Variants in KIF1C observed in about 807,000 individuals in gnomAD.
KIF1C encodes kinesin family member 1C.
A neutral mutation model predicts 126.5 loss-of-function variants in KIF1C; 61 were observed. The ratio of observed to expected loss-of-function variants is 0.48; its 90% CI spans 0.39 to 0.60. The LOEUF is 0.60. KIF1C is among the 20% of genes least tolerant of loss of function. The pLI, the probability that KIF1C is intolerant of heterozygous loss-of-function variation, is 0.00. For missense variants in KIF1C, 1,315 were observed against 1,489.2 expected (o/e 0.88, Z 1.93); for synonymous variants, 640 against 580.6 (o/e 1.10, Z -1.47).
chr17:5,009,340 C>A (rs144273187), intron 16 of KIF1C, among the ~76,000 whole-genome samples: 1 of 151,850 alleles, frequency 6.6e-6, no homozygotes, highest in Non-Finnish European at 1.5e-5. Flanking sequence ...CCATCACACC[C>A]GGCTAATATT....
chr17:5,007,261 A>C lies in KIF1C; in HGVS notation c.1336-2A>C. ...TGAAACCTACCCACCTTACGCCCCCAGGAGACAGAGAAGATTATAGCTGAG... is the reference window on the plus strand; with the variant it reads ...TGAAACCTACCCACCTTACGCCCCCCGGAGACAGAGAAGATTATAGCTGAG... On this transcript the variant is annotated splice_acceptor_variant, in intron 14 of 22. Coordinates refer to ENST00000320785, the MANE Select transcript of KIF1C (RefSeq NM_006612.6). LOFTEE classifies it high-confidence loss of function. 6.2e-7 allele frequency: 1 copy of C among 1,606,406 alleles called. No homozygotes were observed. The highest frequency in any genetic ancestry group is 8.5e-7 in the Non-Finnish European group (1 of 1,176,328).
In KIF1C at chr17:5,020,348, G is replaced by A; in HGVS notation, c.1751-144G>A. 1.1e-6 allele frequency: 1 copy of A among 882,202 alleles called. No individual in the cohort carries two copies. Among genetic ancestry groups the A allele is most frequent in the Non-Finnish European group, 1.7e-6 (1 of 583,212 alleles). The allele number at this position is 882,202 out of a possible 1,614,324, so 54.6% of individuals were successfully genotyped here. A position where few individuals can be genotyped will look rare whatever the true frequency, so the allele number is the denominator to read the frequency against. On this transcript the variant is annotated intron_variant, in intron 19 of 22. Coordinates refer to ENST00000320785, the MANE Select transcript of KIF1C (RefSeq NM_006612.6). The surrounding 1 kb of genome is among the most constrained non-coding windows in gnomAD (Gnocchi z 5.8). ...TGGTCCCTGGGTGTCAGCCAGGGGA[G>A]CATAGGCTCCAACTGCCTTCAGACT...
intron 13 of KIF1C, among the ~76,000 whole-genome samples, chr17:5,006,423 A>G (rs981676189): frequency 4.6e-5 from 7 of 150,934 alleles, no homozygotes; most frequent in South Asian, 2.1e-4. Context: ...TGCAACCTCT[A>G]CCTCCTGGGT....
At chr17:5,007,364 G>A (rs1974759825) in intron 15 of KIF1C, 22 bp downstream of exon 15, 1 of 1,612,884 alleles carries the variant, frequency 6.2e-7, no homozygotes, top group Admixed American at 1.7e-5. Context: ...GACAGTTGGG[G>A]TCCTGGGTGG....
Position 5,024,111 on chromosome 17 carries a change from G to C in KIF1C, c.3272G>C (p.Arg1091Pro), listed in dbSNP as rs201800868. The change falls in exon 23 of 23, where the codon CGT becomes CCT. Residue 1091 changes from arginine to proline, a missense_variant. This residue lies in a region of KIF1C where 441 missense variants were observed against 436.1 expected (regional missense o/e 1.01). Coordinates refer to ENST00000320785, the MANE Select transcript of KIF1C (RefSeq NM_006612.6). The stretch of plus-strand genomic sequence containing the variant: ...ACTCCCCCACGAATGAGACGGCAGC[G>C]TTCTGCCCCTGACCTCAAGGAGAGT... ...YTTPPRMRRQ[R>P]SAPDLKESGA... 1 of 1,610,608 alleles carries C rather than the reference G, an allele frequency of 6.2e-7. No homozygotes were observed. Among genetic ancestry groups the C allele is most frequent in the East Asian group, 2.2e-5 (1 of 44,642 alleles).
intron 11 of KIF1C, 142 bp downstream of exon 11, chr17:5,004,215 C>A (rs1974673315): frequency 4.1e-6 from 3 of 727,818 alleles, no homozygotes; most frequent in Non-Finnish European, 7.3e-6. Context: ...AGGGAACATC[C>A]TTTGAAGATT....
In KIF1C at chr17:5,000,856, G is replaced by GT. The variant is rs1035200010; in HGVS notation, c.183+10dup. ...TACTGGTCACACACTTCGGTGGGTT[G>GT]TTGGGCTGGGGGAAGAGCAAGGCAG... On this transcript the variant is annotated intron_variant, in intron 4 of 22. Coordinates refer to ENST00000320785, the MANE Select transcript of KIF1C (RefSeq NM_006612.6). The GT allele has an allele frequency of 1.9e-6, 3 of 1,613,592 alleles. No individual in the cohort carries two copies. The highest frequency in any genetic ancestry group is 2.5e-6 in the Non-Finnish European group (3 of 1,179,524).
Position 5,018,956 on chromosome 17 carries a change from G to A in KIF1C, c.1667-1040G>A, listed in dbSNP as rs139085876. The stretch of plus-strand genomic sequence containing the variant: ...AATGAAGAAAAGGTGGGGATAGATG[G>A]CACCCCCTCTAGGCACCCGCATCCC... On this transcript the variant is annotated intron_variant, in intron 18 of 22. Transcript: ENST00000320785. Among the ~76,000 whole-genome samples, 45 of 152,042 alleles carry A rather than the reference G, an allele frequency of 3.0e-4. No homozygotes were observed. The East Asian group carries it at 6.4e-3, about 22-fold the overall frequency.
intron 18 of KIF1C, among the ~76,000 whole-genome samples, chr17:5,018,161 C>T (rs375020307): frequency 1.1e-4 from 17 of 151,652 alleles, no homozygotes; most frequent in Non-Finnish European, 1.8e-4. Flanking sequence ...TTGTACTTTT[C>T]GTACAGACAG....
intron 16 of KIF1C, among the ~76,000 whole-genome samples, chr17:5,007,826 G>A (rs1454972839): frequency 6.6e-6 from 1 of 152,128 alleles, no homozygotes; most frequent in East Asian, 1.9e-4. Context: ...TTTGAGTTTT[G>A]TATTCTGTGC....
rs1974767174 is a variant in KIF1C at position 5,007,676 on chromosome 17, G to C, written c.1491+134G>C. 10 of 612,252 alleles carry C rather than the reference G, an allele frequency of 1.6e-5. No individual in the cohort carries two copies. The Admixed American group carries it at 3.3e-4, about 20-fold the overall frequency. 37.9% of individuals were successfully genotyped at this position (612,252 alleles called of 1,614,324 possible). On this transcript the variant is annotated intron_variant, in intron 16 of 22. Coordinates refer to ENST00000320785, the MANE Select transcript of KIF1C (RefSeq NM_006612.6). ...CCCGGCTTGTCCCTCCATCATTTCT[G>C]TCCCCTCCCCTGCCACCTCCTCTCC...
intron 13 of KIF1C, 140 bp downstream of exon 13, chr17:5,005,140 A>G: frequency 9.6e-7 from 1 of 1,038,954 alleles, no homozygotes; most frequent in Admixed American, 2.3e-5. Context: ...GTGGACACAG[A>G]TGTGGAGAGG....
At chr17:5,006,860 C>G in intron 13 of KIF1C, 55 bp from the exon 14 acceptor site, 1 of 1,576,204 alleles carries the variant, frequency 6.3e-7, no homozygotes, top group Non-Finnish European at 8.7e-7. Flanking sequence ...CTGGATGTCT[C>G]TCATCAGCTC....
chr17:5,014,795 C>T lies in KIF1C; in HGVS notation c.1624C>T (p.Gln542Ter), dbSNP rs1465937783. The T allele has an allele frequency of 6.2e-7, 1 of 1,602,422 alleles. No homozygotes were observed. The highest frequency in any genetic ancestry group is 1.1e-5 in the South Asian group (1 of 88,242). Residue 542 changes from glutamine to a stop codon, truncating the protein, a stop_gained, in exon 18 of 23, where the codon CAA (glutamine) becomes TAA (stop). Transcript: ENST00000320785. LOFTEE classifies it high-confidence loss of function. ...IKLTGQFIRE[Q>*]HCLFRSIPQP... ...GCTGACCGGACAGTTCATTCGGGAG[C>T]AACACTGTCTGTTCCGGAGCATCCC... is the stretch of plus-strand genomic sequence containing the variant.
At chr17:5,011,138 G>A (rs965762538) in intron 16 of KIF1C, among the ~76,000 whole-genome samples, 2 of 152,192 alleles carry the variant, frequency 1.3e-5, no homozygotes, top group Non-Finnish European at 2.9e-5. Flanking sequence ...TTTTCTCAAG[G>A]TGGTGAGGAT....
Position 5,025,755 on chromosome 17 carries a change from G to T in KIF1C, c.*1604G>T, listed in dbSNP as rs1370326528. 6.6e-6 allele frequency: 1 copy of T among 152,222 alleles called. No individual in the cohort carries two copies. Among genetic ancestry groups the T allele is most frequent in the African/African-American group, 2.4e-5 (1 of 41,454 alleles). The allele number at this position is 152,222 out of a possible 1,614,324, so 9.4% of individuals were successfully genotyped here. On this transcript the variant is annotated 3_prime_UTR_variant, in exon 23 of 23. Coordinates refer to ENST00000320785, the MANE Select transcript of KIF1C (RefSeq NM_006612.6). ...GAATGGCATGAACCTGGGAGGCGGA[G>T]CTTGCAGTGAGCTGAGATTGCGCCA...
intron 8 of KIF1C, among the ~76,000 whole-genome samples, chr17:5,003,405 C>T (rs543642109): frequency 1.3e-5 from 2 of 152,222 alleles, no homozygotes; most frequent in African/African-American, 2.4e-5. Context: ...TCCATGCCTG[C>T]GGTGGGCCTG....
In KIF1C at chr17:5,022,564, C is replaced by T. The variant is rs1367955935; in HGVS notation, c.2483C>T (p.Ala828Val). The T allele has an allele frequency of 6.9e-6, 11 of 1,594,682 alleles. No individual in the cohort carries two copies. Among genetic ancestry groups the T allele is most frequent in the East Asian group, 4.5e-5 (2 of 44,058 alleles). Reference protein sequence around the residue: ...GGGSEEGARGAEVEDLRAHID... With the variant: ...GGGSEEGARGVEVEDLRAHID... ...GGCAGTGAGGAGGGAGCCCGAGGGG[C>T]GGAGGTGGAGGACCTCCGGGCCCAC... is the stretch of plus-strand genomic sequence containing the variant. Residue 828 changes from alanine to valine, a missense_variant, in exon 22 of 23, where the codon GCG becomes GTG. Ala to Val is a moderately conservative substitution (Grantham distance 64). Transcript: ENST00000320785. The surrounding 1 kb of genome is among the most constrained non-coding windows in gnomAD (Gnocchi z 4.9).
At chr17:5,000,968 G>C in intron 4 of KIF1C, 120 bp downstream of exon 4, 1 of 1,084,878 alleles carries the variant, frequency 9.2e-7, no homozygotes, top group South Asian at 1.3e-5. Context: ...TTGGGAGGAT[G>C]ATCCTGGGTG....
Sources: gnomAD v4.1 joint callset for allele counts (sites outside exome capture counted in the v4.1 genomes callset) on GRCh38, gnomAD v4.1.1 for gene constraint, gnomAD v4.1.1 regional missense constraint, Gnocchi (gnomAD v3.1) non-coding constraint, MANE v1.5 for transcripts, NCBI Gene and HGNC (gene_info 2026-07-23, HGNC 2026-07-21) for gene names.